CYP4F12: variants seen among roughly 807,000 people sequenced by gnomAD.
CYP4F12 encodes cytochrome P450 4F12.
A neutral mutation model predicts 56.5 loss-of-function variants in CYP4F12; 60 were observed. That is an observed-to-expected ratio of 1.06 (90% CI 0.86 to 1.32). The LOEUF (loss-of-function observed/expected upper bound fraction) is 1.32, where lower values mean the gene tolerates loss of function less well. Ranked by LOEUF, CYP4F12 falls within the 40% of genes most tolerant of loss-of-function variation. The pLI is 0.00. For synonymous variants in CYP4F12, 263 were observed against 264.9 expected (o/e 0.99, Z 0.07); for missense variants, 711 against 683.5 (o/e 1.04, Z -0.45).
intron 2 of CYP4F12, among the ~76,000 whole-genome samples, chr19:15,675,505 C>CT (rs1259342642): frequency 6.6e-4 from 100 of 152,350 alleles, no homozygotes; most frequent in African/African-American, 2.3e-3. Context: ...GCAACCAGCT[C>CT]TAGGGATATG....
chr19:15,679,053 G>T (rs896222164), intron 3 of CYP4F12, among the ~76,000 whole-genome samples: 1 of 152,166 alleles, frequency 6.6e-6, no homozygotes, highest in African/African-American at 2.4e-5. Flanking sequence ...CACACCAGCT[G>T]CTTGACCTCC....
chr19:15,695,787 T>C (rs778139207), intron 9 of CYP4F12, 149 bp from the exon 10 acceptor site: 9 of 1,225,846 alleles, frequency 7.3e-6, no homozygotes, highest in Non-Finnish European at 9.6e-6. Context: ...GCTTCTCTAA[T>C]TGTTTTCTGC....
rs559763860 is a variant in CYP4F12 at position 15,688,319 on chromosome 19, C to A, written c.1115+3122C>A. Among the ~76,000 whole-genome samples, 6 of 151,994 alleles carry A rather than the reference C, an allele frequency of 3.9e-5. No individual in the cohort carries two copies. The South Asian group carries it at 1.2e-3, about 32-fold the overall frequency. The stretch of plus-strand genomic sequence containing the variant: ...ATCATTACCCCAGTGACCTAAGAAC[C>A]ACCCTCTGACTCTCACAGGGCAAAA... On this transcript the variant is annotated intron_variant, in intron 9 of 12. Transcript: ENST00000550308.
intron 2 of CYP4F12, 93 bp downstream of exon 2, chr19:15,673,820 G>C: frequency 6.9e-7 from 1 of 1,444,870 alleles, no homozygotes. Context: ...TATTGATGGT[G>C]GCTGGGGTCT....
rs1599950863 is a variant in CYP4F12 at position 15,678,368 on chromosome 19, C to T, written c.306C>T (p.Cys102=). The change falls in exon 3 of 13, where the codon TGC becomes TGT. Residue 102 remains cysteine, a synonymous_variant. Transcript: ENST00000550308. ...CCATCATCCCCTTCATCGTTTTATG[C>T]CACCCTGACACCATCCGGTCTATCA... ...LGPIIPFIVL[C]HPDTIRSITN... is the part of the protein sequence containing the mutation. 1 of 1,614,168 alleles carries T rather than the reference C, an allele frequency of 6.2e-7. No homozygotes were observed. Among genetic ancestry groups the T allele is most frequent in the South Asian group, 1.1e-5 (1 of 91,084 alleles).
chr19:15,677,149 C>G, intron 2 of CYP4F12, among the ~76,000 whole-genome samples: 3 of 107,900 alleles, frequency 2.8e-5, no homozygotes, highest in Admixed American at 9.3e-5. Context: ...ACTCATTCCT[C>G]TACCCACACT....
At chr19:15,682,823 C>G (rs2007377616) in intron 6 of CYP4F12, among the ~76,000 whole-genome samples, 1 of 152,114 alleles carries the variant, frequency 6.6e-6, no homozygotes, top group African/African-American at 2.4e-5. Context: ...TTCCAGAGAC[C>G]TTTTGTAGTT....
At position 15,680,454 on chromosome 19, in the gene CYP4F12, G is replaced by A. The variant is rs776517845; in HGVS notation, c.460G>A (p.Ala154Thr). The change falls in exon 5 of 13, where the codon GCC becomes ACC. Residue 154 changes from alanine to threonine, a missense_variant. By Grantham distance (58) the Ala-to-Thr change is moderately conservative. Transcript: ENST00000550308. ...WSRHRRMLTP[A>T]FHFNILKSYI... ...CCGCCACCGTCGGATGCTGACGCCC[G>A]CCTTCCATTTCAACATCCTGAAGTC... 1.7e-5 allele frequency: 28 copies of A among 1,613,982 alleles called. No homozygotes were observed. Among genetic ancestry groups the A allele is most frequent in the Middle Eastern group, 1.6e-4 (1 of 6,084 alleles).
In CYP4F12 at chr19:15,673,749, G is replaced by A. The variant is rs780219034; in HGVS notation, c.198+22G>A. ...CCTGGTGAGTGTGACAGCAAAATGT[G>A]TCTGGGGTCTCAGGGTGGATGGACT... On this transcript the variant is annotated intron_variant, in intron 2 of 12. Coordinates refer to ENST00000550308, the MANE Select transcript of CYP4F12 (RefSeq NM_023944.4). 9 of 1,612,300 alleles carry A rather than the reference G, an allele frequency of 5.6e-6. No individual in the cohort carries two copies. The East Asian group carries it at 6.7e-5, about 12-fold the overall frequency.
rs563743985 is a variant in CYP4F12 at position 15,688,591 on chromosome 19, A to G, written c.1115+3394A>G. Among the ~76,000 whole-genome samples, 254 of 152,360 alleles carry G rather than the reference A, an allele frequency of 1.7e-3. 1 individual carries two copies. Among genetic ancestry groups the G allele is most frequent in the African/African-American group, 6.0e-3 (248 of 41,578 alleles). On this transcript the variant is annotated intron_variant, in intron 9 of 12. Transcript: ENST00000550308. ...TGAAAATACCTTCATCATTTTTCACACAACTGGGAAAAGCAATTCTAAAAT... is the reference window on the plus strand; with the variant it reads ...TGAAAATACCTTCATCATTTTTCACGCAACTGGGAAAAGCAATTCTAAAAT...
intron 6 of CYP4F12, 139 bp downstream of exon 6, chr19:15,682,649 G>GTT: frequency 7.6e-7 from 1 of 1,322,118 alleles, no homozygotes; most frequent in Non-Finnish European, 1.0e-6. Flanking sequence ...TCGAGGAAGA[G>GTT]GAGAAAGTGC....
Position 15,695,684 on chromosome 19 carries a change from T to C in CYP4F12, c.1116-252T>C, listed in dbSNP as rs61554845. ...CAATATTTATTTTTATGTGAGTTTGTTAATTTTTTACCGCTGGCTTCTGGG... is the reference window on the plus strand; with the variant it reads ...CAATATTTATTTTTATGTGAGTTTGCTAATTTTTTACCGCTGGCTTCTGGG... On this transcript the variant is annotated intron_variant, in intron 9 of 12. Transcript: ENST00000550308. Among the ~76,000 whole-genome samples the C allele has an allele frequency of 6.0e-3, 909 of 152,338 alleles. 11 individuals carry two copies. The highest frequency in any genetic ancestry group is 0.021 in the African/African-American group (860 of 41,578).
chr19:15,696,879 A>G (rs1025690802), intron 12 of CYP4F12, 29 bp from the exon 13 acceptor site: 2 of 1,590,022 alleles, frequency 1.3e-6, no homozygotes, highest in East Asian at 2.3e-5. Flanking sequence ...GGTCTTGGGC[A>G]CAGTCACAGT....
intron 3 of CYP4F12, 56 bp from the exon 4 acceptor site, chr19:15,680,188 C>T (rs373854404): frequency 4.5e-6 from 7 of 1,550,782 alleles, no homozygotes; most frequent in African/African-American, 4.1e-5. Flanking sequence ...TTGCCCTATA[C>T]CTGAAGTTCC....
chr19:15,680,453 C>T lies in CYP4F12; in HGVS notation c.459C>T (p.Pro153=), dbSNP rs199991130. The T allele has an allele frequency of 9.3e-6, 15 of 1,614,042 alleles. No individual in the cohort carries two copies. Among genetic ancestry groups the T allele is most frequent in the East Asian group, 2.2e-5 (1 of 44,886 alleles). The change falls in exon 5 of 13, where the codon CCC becomes CCT. Residue 153 remains proline, a synonymous_variant. Coordinates refer to ENST00000550308, the MANE Select transcript of CYP4F12 (RefSeq NM_023944.4). The part of the protein sequence containing the change: ...KWSRHRRMLT[P]AFHFNILKSY... ...GCCGCCACCGTCGGATGCTGACGCC[C>T]GCCTTCCATTTCAACATCCTGAAGT...
rs1020145835 is a variant in CYP4F12, at chr19:15,696,348, C to T, written c.1315-82C>T. ...ATGAGGAAAATCCAACATCACCTCACCCCAAAACACACACAAGTGTCTCTC... is the reference window on the plus strand; with the variant it reads ...ATGAGGAAAATCCAACATCACCTCATCCCAAAACACACACAAGTGTCTCTC... On this transcript the variant is annotated intron_variant, in intron 11 of 12. Transcript: ENST00000550308. 12 of 1,609,500 alleles carry T rather than the reference C, an allele frequency of 7.5e-6. No individual in the cohort carries two copies. In the African/African-American group the frequency reaches 1.1e-4, roughly 14 times the overall value.
At chr19:15,696,121 C>T in intron 10 of CYP4F12, 40 bp from the exon 11 acceptor site, 1 of 1,611,546 alleles carries the variant, frequency 6.2e-7, no homozygotes, top group South Asian at 1.1e-5. Context: ...ATGGTTCCCT[C>T]AGGGGATCCT....
intron 9 of CYP4F12, among the ~76,000 whole-genome samples, chr19:15,688,449 C>G (rs1015981449): frequency 6.6e-6 from 1 of 151,846 alleles, no homozygotes; most frequent in African/African-American, 2.4e-5. Flanking sequence ...CAGTGCTGGA[C>G]AAAACCATAG....
chr19:15,688,031 G>T (rs2007702822), intron 9 of CYP4F12, among the ~76,000 whole-genome samples: 2 of 152,214 alleles, frequency 1.3e-5, no homozygotes, highest in South Asian at 2.1e-4. Context: ...GAAGCTGGGT[G>T]CCTGGCCTTG....
Sources: gnomAD v4.1 joint callset for allele counts (sites outside exome capture counted in the v4.1 genomes callset) on GRCh38, gnomAD v4.1.1 for gene constraint, MANE v1.5 for transcripts, NCBI Gene and HGNC (gene_info 2026-07-23, HGNC 2026-07-21) for gene names.